CSMD1: variants seen among roughly 807,000 people sequenced by gnomAD.
CSMD1 encodes CUB and sushi domain-containing protein 1.
A neutral mutation model predicts 417.5 loss-of-function variants in CSMD1; 213 were observed. That is an observed-to-expected ratio of 0.51 (90% confidence interval 0.46 to 0.57). The LOEUF is 0.57. Among genes scored for constraint, CSMD1 ranks in the 20% least tolerant of loss-of-function variants. The probability of loss-of-function intolerance (pLI) is 0.00; values close to 1 mark genes in which losing one functional copy is unlikely to be tolerated. For synonymous variants in CSMD1, 2,862 were observed against 1,736.8 expected, an observed-to-expected ratio of 1.65 and a Z score of -16.11; for missense variants, 6,923 against 4,529.7, an observed-to-expected ratio of 1.53 and a Z score of -15.17.
At chr8:4,414,078 C>G (rs915006562) in intron 3 of CSMD1, among the ~76,000 whole-genome samples, 1 of 152,160 alleles carries the variant, frequency 6.6e-6, no homozygotes. Flanking sequence ...CATGCATGCT[C>G]CATGCTTTAA....
intron 50 of CSMD1, among the ~76,000 whole-genome samples, chr8:3,050,970 G>A (rs1214432075): frequency 6.6e-6 from 1 of 152,198 alleles, no homozygotes. Context: ...AGGCAGTGGA[G>A]AAAAGGGAAC....
rs544340008 is a variant in CSMD1 at position 4,239,086 on chromosome 8, G to C, written c.415+180867C>G. On this transcript the variant is annotated intron_variant, in intron 3 of 69. Transcript: ENST00000635120. ...AATAACTTCAAATGTTTAAACTTAT[G>C]TCACATAGTATTTTCTTAAGGGAGA... Among the ~76,000 whole-genome samples the C allele has an allele frequency of 4.5e-4, 69 of 152,242 alleles. No individual in the cohort carries two copies. The South Asian group carries it at 0.014, about 31-fold the overall frequency.
chr8:4,392,507 C>A (rs1306889837), intron 3 of CSMD1, among the ~76,000 whole-genome samples: 1 of 152,032 alleles, frequency 6.6e-6, no homozygotes, highest in Non-Finnish European at 1.5e-5. Flanking sequence ...GGTAAAGAAT[C>A]ACGGTTTGTG....
rs113819318 is a variant in CSMD1 at position 4,584,056 on chromosome 8, C to A, written c.302+53286G>T. Among the ~76,000 whole-genome samples the A allele has an allele frequency of 2.6e-5, 4 of 151,972 alleles. No individual in the cohort carries two copies. In the South Asian group the frequency reaches 8.4e-4, roughly 32 times the overall value. Reference sequence around the variant, plus strand: ...GAGCTATAACACTCACTACGAAGGTCTGCAGTTTCACTCCTGAGCCAGCAA... The same window carrying A: ...GAGCTATAACACTCACTACGAAGGTATGCAGTTTCACTCCTGAGCCAGCAA... On this transcript the variant is annotated intron_variant, in intron 2 of 69. Transcript: ENST00000635120.
At chr8:3,758,349 T>C (rs1038197923) in intron 5 of CSMD1, among the ~76,000 whole-genome samples, 1 of 152,342 alleles carries the variant, frequency 6.6e-6, no homozygotes, top group East Asian at 1.9e-4. Flanking sequence ...GCCATTCAAA[T>C]GAATTGTACC....
chr8:2,977,946 G>C (rs1805075723), intron 55 of CSMD1, among the ~76,000 whole-genome samples: 1 of 152,216 alleles, frequency 6.6e-6, no homozygotes, highest in African/African-American at 2.4e-5. Context: ...CGAGGCTGTG[G>C]AGAAATAGGA....
At chr8:3,450,084 T>C (rs1422343633) in intron 12 of CSMD1, among the ~76,000 whole-genome samples, 4 of 152,178 alleles carry the variant, frequency 2.6e-5, no homozygotes, top group Non-Finnish European at 5.9e-5. Context: ...GAAAATCATC[T>C]GGTTTGCTGA....
chr8:3,650,898 G>A (rs567877573), intron 7 of CSMD1, among the ~76,000 whole-genome samples: 8 of 152,124 alleles, frequency 5.3e-5, no homozygotes, highest in African/African-American at 1.2e-4. Context: ...AATATCGAAC[G>A]TCTTCTCAGA....
chr8:3,557,322 G>C (rs1799201049), intron 10 of CSMD1, among the ~76,000 whole-genome samples: 1 of 152,186 alleles, frequency 6.6e-6, no homozygotes, highest in Non-Finnish European at 1.5e-5. Flanking sequence ...AATTATGGCA[G>C]ACCATCGCTG....
intron 3 of CSMD1, among the ~76,000 whole-genome samples, chr8:4,219,110 G>T (rs1250412057): frequency 6.6e-6 from 1 of 152,134 alleles, no homozygotes; most frequent in Non-Finnish European, 1.5e-5. Flanking sequence ...CAGGGTAAAT[G>T]ATCAGACCCA....
intron 5 of CSMD1, among the ~76,000 whole-genome samples, chr8:3,995,034 G>A (rs534391052): frequency 1.3e-5 from 2 of 152,122 alleles, no homozygotes; most frequent in Non-Finnish European, 2.9e-5. Context: ...CCCCGTCCCT[G>A]TCTATGCAAT....
chr8:4,078,357 C>T lies in CSMD1; in HGVS notation c.416-46258G>A, dbSNP rs375117875. On this transcript the variant is annotated intron_variant, in intron 3 of 69. Transcript: ENST00000635120. Reference sequence around the variant, plus strand: ...TGAGAGGGAGTCTTGCTCTGTGTCGCAGGCTGGAGTGCAGTGGCGTGATCT... The same window carrying T: ...TGAGAGGGAGTCTTGCTCTGTGTCGTAGGCTGGAGTGCAGTGGCGTGATCT... Among the ~76,000 whole-genome samples the T allele has an allele frequency of 1.5e-3, 209 of 142,880 alleles. 11 individuals carry two copies. The South Asian group carries it at 0.044, about 30-fold the overall frequency. 93.7% of individuals were successfully genotyped at this position (142,880 alleles called of 152,430 possible). A position where few individuals can be genotyped will look rare whatever the true frequency, so the allele number is the denominator to read the frequency against.
At chr8:4,918,031 A>C (rs1157401415) in intron 1 of CSMD1, among the ~76,000 whole-genome samples, 1 of 152,242 alleles carries the variant, frequency 6.6e-6, no homozygotes, top group Non-Finnish European at 1.5e-5. Flanking sequence ...CTTGTAAAAT[A>C]ATACTAGACT....
intron 4 of CSMD1, among the ~76,000 whole-genome samples, chr8:4,018,107 T>C (rs890368021): frequency 2.0e-5 from 3 of 152,228 alleles, no homozygotes; most frequent in African/African-American, 7.2e-5. Context: ...TTGTATGGCA[T>C]AAAGTATCCT....
At chr8:3,445,395 C>T (rs1202024385) in intron 12 of CSMD1, among the ~76,000 whole-genome samples, 1 of 152,132 alleles carries the variant, frequency 6.6e-6, no homozygotes, top group Non-Finnish European at 1.5e-5. Flanking sequence ...ACTCAAGAGG[C>T]AGATATGACT....
At chr8:3,021,107 T>G (rs1411231268) in intron 51 of CSMD1, among the ~76,000 whole-genome samples, 2 of 152,212 alleles carry the variant, frequency 1.3e-5, no homozygotes, top group Non-Finnish European at 2.9e-5. Context: ...AGTCGAATTC[T>G]TCTTGGAGGT....
chr8:2,942,442 A>T (rs757302349), intron 69 of CSMD1, 30 bp downstream of exon 69: 2 of 1,596,932 alleles, frequency 1.3e-6, no homozygotes, highest in East Asian at 2.2e-5. Flanking sequence ...CACTCACAAC[A>T]TTCTCAAACA....
intron 7 of CSMD1, among the ~76,000 whole-genome samples, chr8:3,650,153 T>C (rs1797777786): frequency 6.6e-6 from 1 of 151,834 alleles, no homozygotes; most frequent in Non-Finnish European, 1.5e-5. Flanking sequence ...GTGGTGGGTG[T>C]CTGTAATCCC....
intron 1 of CSMD1, among the ~76,000 whole-genome samples, chr8:4,947,091 G>C (rs1418127477): frequency 6.6e-6 from 1 of 152,074 alleles, no homozygotes; most frequent in Non-Finnish European, 1.5e-5. Context: ...TCCATTTGTA[G>C]TTACATAGTC....
Sources: allele counts gnomAD v4.1 joint callset (sites outside exome capture counted in the v4.1 genomes callset), GRCh38; gene constraint gnomAD v4.1.1; transcripts MANE v1.5; gene names NCBI Gene and HGNC (gene_info 2026-07-23, HGNC 2026-07-21).